Variants in C1orf185 observed in about 807,000 individuals in gnomAD.
C1orf185 encodes uncharacterized protein C1orf185.
C1orf185 carries 13 observed loss-of-function variants against 16.1 expected under a neutral mutation model. The ratio of observed to expected loss-of-function variants is 0.81; its 90% CI spans 0.53 to 1.28. C1orf185 has a LOEUF of 1.28. C1orf185 is among the 50% of genes most tolerant of loss of function. C1orf185 has a pLI of 0.00. For synonymous variants in C1orf185, 80 were observed against 76.9 expected (o/e 1.04, Z -0.21); for missense variants, 220 against 225.2 (o/e 0.98, Z 0.15).
chr1:51,113,025 G>A lies in C1orf185; in HGVS notation c.122+456G>A, dbSNP rs1037513141. Among the ~76,000 whole-genome samples the A allele has an allele frequency of 1.4e-4, 21 of 151,786 alleles. No individual in the cohort carries two copies. In the South Asian group the frequency reaches 4.2e-3, roughly 30 times the overall value. Reference sequence around the variant, plus strand: ...GTAGAGACGGGGTTTCACCATGTTGGCCAGGCTGGTCTCGAACTCCTGACC... The same window carrying A: ...GTAGAGACGGGGTTTCACCATGTTGACCAGGCTGGTCTCGAACTCCTGACC... On this transcript the variant is annotated intron_variant, in intron 2 of 4. Transcript: ENST00000371759.
intron 4 of C1orf185, 142 bp downstream of exon 4, chr1:51,145,902 T>C (rs765547074): frequency 2.5e-6 from 1 of 397,186 alleles, no homozygotes; most frequent in Non-Finnish European, 4.4e-6. Flanking sequence ...TTTATTAGTA[T>C]GTAAAAGGGC....
intron 1 of C1orf185, among the ~76,000 whole-genome samples, chr1:51,107,551 G>C (rs953490676): frequency 6.6e-6 from 1 of 152,094 alleles, no homozygotes; most frequent in African/African-American, 2.4e-5. Flanking sequence ...TGGAATCATT[G>C]AATATACATT....
chr1:51,133,898 A>AGGG (rs1180858673), intron 3 of C1orf185, among the ~76,000 whole-genome samples: 1 of 152,230 alleles, frequency 6.6e-6, no homozygotes, highest in East Asian at 1.9e-4. Context: ...CCTGGCCAAC[A>AGGG]GGGTGAAACC....
downstream of C1orf185, among the ~76,000 whole-genome samples, chr1:51,148,799 T>C (rs1261880634): frequency 6.6e-6 from 1 of 152,084 alleles, no homozygotes; most frequent in East Asian, 1.9e-4. Flanking sequence ...TGGTGGCACA[T>C]GCCTGTAGTC....
chr1:51,103,535 CT>C (rs753881327), intron 1 of C1orf185, among the ~76,000 whole-genome samples: 253 of 133,530 alleles, frequency 1.9e-3, no homozygotes, highest in African/African-American at 4.2e-3. Flanking sequence ...GATGTCTTTC[CT>C]TTTTTTTTTT....
At chr1:51,115,379 A>G (rs1646150552) in intron 2 of C1orf185, among the ~76,000 whole-genome samples, 1 of 152,214 alleles carries the variant, frequency 6.6e-6, no homozygotes, top group African/African-American at 2.4e-5. Flanking sequence ...TATTGCATTT[A>G]TCCATCCATA....
At chr1:51,142,319 C>A (rs541310348) in intron 3 of C1orf185, among the ~76,000 whole-genome samples, 1 of 152,304 alleles carries the variant, frequency 6.6e-6, no homozygotes, top group East Asian at 1.9e-4. Context: ...TCTTTCATGA[C>A]ATTGGCATTT....
chr1:51,112,356 A>T (rs1570291580), intron 1 of C1orf185, 108 bp from the exon 2 acceptor site: 2 of 828,320 alleles, frequency 2.4e-6, no homozygotes, highest in South Asian at 2.1e-5. Context: ...TCTCCTGGTT[A>T]ATGTCTTAAC....
chr1:51,104,652 G>A (rs1646055924), intron 1 of C1orf185, among the ~76,000 whole-genome samples: 1 of 152,076 alleles, frequency 6.6e-6, no homozygotes, highest in South Asian at 2.1e-4. Context: ...GTAAGAAAAG[G>A]GCCAATTGTA....
At chr1:51,122,383 C>T (rs1229697976) in intron 3 of C1orf185, among the ~76,000 whole-genome samples, 2 of 152,266 alleles carry the variant, frequency 1.3e-5, no homozygotes, top group East Asian at 3.9e-4. Flanking sequence ...CATTTTCAGG[C>T]TTCTAAATTT....
intron 1 of C1orf185, among the ~76,000 whole-genome samples, chr1:51,110,155 T>C (rs1204271550): frequency 2.6e-5 from 4 of 152,208 alleles, no homozygotes; most frequent in Admixed American, 6.5e-5. Context: ...TTAGCCTCAA[T>C]TTGACTCATC....
intron 1 of C1orf185, among the ~76,000 whole-genome samples, chr1:51,108,149 C>T (rs901923974): frequency 1.3e-5 from 2 of 152,106 alleles, no homozygotes; most frequent in Admixed American, 6.5e-5. Flanking sequence ...TTTGCCAGTA[C>T]TTCATATTTT....
At chr1:51,150,249 T>C (rs933994313), downstream of C1orf185, among the ~76,000 whole-genome samples, 12 of 151,354 alleles carry the variant, frequency 7.9e-5, no homozygotes, top group African/African-American at 2.9e-4. Flanking sequence ...TAGAGTGCAA[T>C]GGTGTGATCT....
chr1:51,147,677 C>A lies in C1orf185; in HGVS notation c.506C>A (p.Ser169Tyr). ...GTGAAAAGGAACTCTCCAATGCCTT[C>A]TCTCGGGGAACCTCTAATGGAAAAA... is the stretch of plus-strand genomic sequence containing the variant. Reference protein sequence around the residue: ...SLVKRNSPMPSLGEPLMEKVF... With the variant: ...SLVKRNSPMPYLGEPLMEKVF... Residue 169 changes from serine to tyrosine, a missense_variant, in exon 5 of 5, where the codon TCT becomes TAT. Ser to Tyr is a moderately radical substitution (Grantham distance 144). Transcript: ENST00000371759. The A allele has an allele frequency of 6.4e-7, 1 of 1,551,356 alleles. No homozygotes were observed. The highest frequency in any genetic ancestry group is 8.7e-7 in the Non-Finnish European group (1 of 1,146,774).
Position 51,147,723 on chromosome 1 carries a change from C to A in C1orf185, c.552C>A (p.Thr184=), listed in dbSNP as rs548757747. 5.8e-6 allele frequency: 9 copies of A among 1,550,578 alleles called. No homozygotes were observed. The highest frequency in any genetic ancestry group is 1.7e-4 in the Middle Eastern group (1 of 5,984). ...LMEKVFSYLS[T]ISLEEGTESV... is the part of the protein sequence containing the mutation. ...AAAAAGTATTTTCATACCTGTCAAC[C>A]ATTTCATTAGAAGAGGGTACTGAAA... The change falls in exon 5 of 5, where the codon ACC becomes ACA. Residue 184 remains threonine (T), a synonymous_variant. Coordinates refer to ENST00000371759, the MANE Select transcript of C1orf185 (RefSeq NM_001136508.2).
At chr1:51,123,128 A>T (rs1412972650) in intron 3 of C1orf185, among the ~76,000 whole-genome samples, 5 of 152,186 alleles carry the variant, frequency 3.3e-5, no homozygotes, top group Middle Eastern at 6.3e-3. Flanking sequence ...GAAGGGGCTG[A>T]GTGTGCTAGT....
At chr1:51,124,506 G>A (rs1047477478) in intron 3 of C1orf185, among the ~76,000 whole-genome samples, 1 of 152,202 alleles carries the variant, frequency 6.6e-6, no homozygotes, top group South Asian at 2.1e-4. Flanking sequence ...GCAATCTTTT[G>A]TTGAACATTA....
intron 1 of C1orf185, among the ~76,000 whole-genome samples, chr1:51,102,708 A>C (rs542379122): frequency 6.6e-6 from 1 of 152,164 alleles, no homozygotes; most frequent in East Asian, 1.9e-4. Context: ...CTTTACCAAG[A>C]ATCATAAATT....
Position 51,132,328 on chromosome 1 carries a change from A to AG in C1orf185, c.259-13395dup, listed in dbSNP as rs367814224. Among the ~76,000 whole-genome samples the AG allele has an allele frequency of 3.6e-3, 545 of 152,344 alleles. 1 individual carries two copies. Among genetic ancestry groups the AG allele is most frequent in the Non-Finnish European group, 4.4e-3 (300 of 68,024 alleles). On this transcript the variant is annotated intron_variant, in intron 3 of 4. Coordinates refer to ENST00000371759, the MANE Select transcript of C1orf185 (RefSeq NM_001136508.2). ...CAGAAGTGCATTGAAACCCAGTGCAAGAAGCTAAAAATCATGATAAAACGA... is the reference window on the plus strand; with the variant it reads ...CAGAAGTGCATTGAAACCCAGTGCAAGGAAGCTAAAAATCATGATAAAACGA...
Sources: allele counts gnomAD v4.1 joint callset (sites outside exome capture counted in the v4.1 genomes callset), GRCh38; gene constraint gnomAD v4.1.1; transcripts MANE v1.5; gene names NCBI Gene and HGNC (gene_info 2026-07-23, HGNC 2026-07-21).